The following PLCL1 variants were observed in gnomAD, a reference collection of about 807,000 sequenced individuals.
PLCL1 encodes inactive phospholipase C-like protein 1.
PLCL1 carries 41 observed loss-of-function variants against 84.4 expected under a neutral mutation model. The ratio of observed to expected loss-of-function variants is 0.49; its 90% CI spans 0.38 to 0.63. The LOEUF (loss-of-function observed/expected upper bound fraction) is 0.63. Among genes scored for constraint, PLCL1 ranks in the 30% least tolerant of loss-of-function variants. The pLI, the probability that PLCL1 is intolerant of heterozygous loss-of-function variation, is 0.00. For missense variants in PLCL1, 1,206 were observed against 1,367.8 expected, an observed-to-expected ratio of 0.88 and a Z score of 1.87; for synonymous variants, 490 against 488.3, an observed-to-expected ratio of 1.00 and a Z score of -0.05.
rs1692532353 is a variant in PLCL1, at chr2:198,074,473, A to T, written c.241-9285A>T. 2.6e-5 allele frequency among the ~76,000 whole-genome samples: 4 copies of T among 152,308 alleles called. No homozygotes were observed. In the South Asian group the frequency reaches 8.3e-4, roughly 32 times the overall value. On this transcript the variant is annotated intron_variant, in intron 1 of 5. Coordinates refer to ENST00000428675, the MANE Select transcript of PLCL1 (RefSeq NM_006226.4). ...AAGAATATATTTGGACTCCAAAGTG[A>T]CTAAAATCAATGAAAATAATATATT...
chr2:197,983,200 C>CTTTTTTTTTTTTTTTTTT lies in PLCL1; in HGVS notation c.241-100536_241-100519dup, dbSNP rs760577848. Among the ~76,000 whole-genome samples the CTTTTTTTTTTTTTTTTTT allele has an allele frequency of 2.7e-4, 16 of 60,286 alleles. 1 individual carries two copies. Among genetic ancestry groups the CTTTTTTTTTTTTTTTTTT allele is most frequent in the South Asian group, 8.3e-4 (1 of 1,200 alleles). 39.5% of individuals were successfully genotyped at this position (60,286 alleles called of 152,430 possible). Reference sequence around the variant, plus strand: ...TTTCTTTTTCTTTTTCTTTTCTTTTCTTTTTTTTTTTTTTTTTTTTTTTTT... The same window carrying CTTTTTTTTTTTTTTTTTT: ...TTTCTTTTTCTTTTTCTTTTCTTTTCTTTTTTTTTTTTTTTTTTTTTTTTTTTTTTTTTTTTTTTTTTT... On this transcript the variant is annotated intron_variant, in intron 1 of 5. Coordinates refer to ENST00000428675, the MANE Select transcript of PLCL1 (RefSeq NM_006226.4).
chr2:198,071,649 G>C (rs1424372360), intron 1 of PLCL1, among the ~76,000 whole-genome samples: 1 of 151,496 alleles, frequency 6.6e-6, no homozygotes, highest in East Asian at 1.9e-4. Context: ...ATTTGTTTGT[G>C]AACAATTTTT....
intron 5 of PLCL1, among the ~76,000 whole-genome samples, chr2:198,137,393 T>C (rs951072342): frequency 6.6e-6 from 1 of 152,220 alleles, no homozygotes; most frequent in Non-Finnish European, 1.5e-5. Flanking sequence ...TAAATGACAC[T>C]TTATTGTTTT....
chr2:197,967,563 T>C (rs151001846), intron 1 of PLCL1, among the ~76,000 whole-genome samples: 3 of 152,350 alleles, frequency 2.0e-5, no homozygotes, highest in East Asian at 3.9e-4. Flanking sequence ...CTTTCCATTT[T>C]ATATTTCTTT....
At chr2:198,000,927 A>G (rs1690586200) in intron 1 of PLCL1, among the ~76,000 whole-genome samples, 1 of 152,168 alleles carries the variant, frequency 6.6e-6, no homozygotes, top group South Asian at 2.1e-4. Context: ...TTAACGAGTC[A>G]TCATGACTAA....
chr2:198,071,444 A>T (rs1408688721), intron 1 of PLCL1, among the ~76,000 whole-genome samples: 1 of 151,924 alleles, frequency 6.6e-6, no homozygotes, highest in Non-Finnish European at 1.5e-5. Context: ...GAAAAGTTGT[A>T]CAAGTTTATA....
chr2:197,897,162 C>G (rs1181767064), intron 1 of PLCL1, among the ~76,000 whole-genome samples: 3 of 31,792 alleles, frequency 9.4e-5, no homozygotes, highest in Non-Finnish European at 1.1e-4. Context: ...TCTTCTTCTT[C>G]TTCTTCTTCT....
chr2:198,144,568 C>A (rs1438513196), intron 5 of PLCL1, among the ~76,000 whole-genome samples: 1 of 152,082 alleles, frequency 6.6e-6, no homozygotes, highest in African/African-American at 2.4e-5. Flanking sequence ...TCATTTAAAT[C>A]ATAAAGAGCT....
At chr2:197,936,135 C>A (rs1574957572) in intron 1 of PLCL1, among the ~76,000 whole-genome samples, 1 of 145,352 alleles carries the variant, frequency 6.9e-6, no homozygotes, top group Non-Finnish European at 1.5e-5. Context: ...TTAAACACCC[C>A]CCCCCTCACA....
intron 1 of PLCL1, among the ~76,000 whole-genome samples, chr2:197,892,302 AGTAATGC>A (rs1486825665): frequency 1.3e-5 from 2 of 152,228 alleles, no homozygotes; most frequent in East Asian, 3.8e-4. Context: ...CAAAGGAAAC[AGTAATGC>A]TGTGCTTCCT....
chr2:197,883,807 A>G (rs1370334230), intron 1 of PLCL1, among the ~76,000 whole-genome samples: 1 of 152,222 alleles, frequency 6.6e-6, no homozygotes, highest in African/African-American at 2.4e-5. Context: ...ATTCTTCCTT[A>G]TATCAAGTTG....
chr2:198,021,239 A>T (rs1276732957), intron 1 of PLCL1, among the ~76,000 whole-genome samples: 1 of 152,226 alleles, frequency 6.6e-6, no homozygotes, highest in African/African-American at 2.4e-5. Context: ...TCTGGGACAC[A>T]GCTAAAGCAG....
At chr2:198,008,496 T>A (rs1177115926) in intron 1 of PLCL1, among the ~76,000 whole-genome samples, 1 of 152,064 alleles carries the variant, frequency 6.6e-6, no homozygotes, top group Non-Finnish European at 1.5e-5. Context: ...TAACGTAATG[T>A]CCTCGAGTTT....
At chr2:198,079,158 C>T (rs1052587543) in intron 1 of PLCL1, among the ~76,000 whole-genome samples, 2 of 151,528 alleles carry the variant, frequency 1.3e-5, no homozygotes, top group Non-Finnish European at 1.5e-5. Context: ...GCATTATATC[C>T]AATCTTATTG....
chr2:197,902,313 A>T (rs1688283696), intron 1 of PLCL1, among the ~76,000 whole-genome samples: 1 of 152,164 alleles, frequency 6.6e-6, no homozygotes, highest in Non-Finnish European at 1.5e-5. Context: ...AGTTAATTTC[A>T]TGGGTTTTTC....
At chr2:197,817,883 ATT>A (rs564770667) in intron 1 of PLCL1, among the ~76,000 whole-genome samples, 1 of 151,808 alleles carries the variant, frequency 6.6e-6, no homozygotes, top group Non-Finnish European at 1.5e-5. Flanking sequence ...GAATTTATTT[ATT>A]TTTTTTAATT....
intron 1 of PLCL1, among the ~76,000 whole-genome samples, chr2:198,045,050 G>T (rs1691753935): frequency 6.6e-6 from 1 of 152,178 alleles, no homozygotes; most frequent in Non-Finnish European, 1.5e-5. Context: ...AGTCTCCCAT[G>T]TCACTATTCT....
rs2105896748 is a variant in PLCL1 at position 198,084,386 on chromosome 2, G to A, written c.869G>A (p.Ser290Asn). Residue 290 changes from serine to asparagine, a missense_variant, in exon 2 of 6, where the codon AGC becomes AAC. Transcript: ENST00000428675. ...TTAAAGTTTAAAGAAATCCAGAAGAGCAAGGAAAAACTAACCACCCGCGTG... is the reference window on the plus strand; with the variant it reads ...TTAAAGTTTAAAGAAATCCAGAAGAACAAGGAAAAACTAACCACCCGCGTG... The part of the protein sequence containing the change: ...IRLKFKEIQK[S>N]KEKLTTRVTE... 9 of 1,614,156 alleles carry A rather than the reference G, an allele frequency of 5.6e-6. No individual in the cohort carries two copies. The highest frequency in any genetic ancestry group is 5.3e-5 in the African/African-American group (4 of 75,052).
chr2:197,892,227 C>T (rs955384485), intron 1 of PLCL1, among the ~76,000 whole-genome samples: 4 of 152,084 alleles, frequency 2.6e-5, no homozygotes, highest in East Asian at 1.9e-4. Context: ...CGGCTGGGTG[C>T]GGTGGCAGGT....
Sources: gnomAD v4.1 joint callset for allele counts (sites outside exome capture counted in the v4.1 genomes callset) on GRCh38, gnomAD v4.1.1 for gene constraint, MANE v1.5 for transcripts, NCBI Gene and HGNC (gene_info 2026-07-23, HGNC 2026-07-21) for gene names.